MMAB: variants seen among roughly 807,000 people sequenced by gnomAD.
MMAB encodes corrinoid adenosyltransferase MMAB.
MMAB carries 17 observed loss-of-function variants against 30.6 expected under a neutral mutation model. The observed-to-expected ratio is 0.56, with a 90% CI of 0.38 to 0.83. The LOEUF (loss-of-function observed/expected upper bound fraction) is 0.83. Among genes scored for constraint, MMAB ranks in the 40% least tolerant of loss-of-function variants. The pLI is 0.00. For synonymous variants in MMAB, 134 were observed against 138.6 expected, an observed-to-expected ratio of 0.97 and a Z score of 0.23; for missense variants, 311 against 331.6, an observed-to-expected ratio of 0.94 and a Z score of 0.48.
chr12:109,571,009 G>T (rs1216819099), intron 2 of MMAB, among the ~76,000 whole-genome samples: 1 of 151,208 alleles, frequency 6.6e-6, no homozygotes, highest in Non-Finnish European at 1.5e-5. Flanking sequence ...TAGAATAAAA[G>T]TATGTAAATA....
At position 109,554,029 on chromosome 12, in the gene MMAB, T is replaced by C. The variant is rs751147735; in HGVS notation, c.*2999A>G. 1 of 454,108 alleles carries C rather than the reference T, an allele frequency of 2.2e-6. No individual in the cohort carries two copies. Among genetic ancestry groups the C allele is most frequent in the South Asian group, 1.6e-5 (1 of 64,472 alleles). The allele number at this position is 454,108 out of a possible 1,614,324, so 28.1% of individuals were successfully genotyped here. On this transcript the variant is annotated 3_prime_UTR_variant, in exon 9 of 9. Transcript: ENST00000545712. ...TAGGTTGAGAAATGAGACAGCAGGA[T>C]CTATCAGAGCCTGGCATTGTTCGCC...
rs1471034692 is a variant in MMAB, at chr12:109,561,148, G to A, written c.520-44C>T. 6.2e-7 allele frequency: 1 copy of A among 1,602,544 alleles called. No individual in the cohort carries two copies. The highest frequency in any genetic ancestry group is 1.3e-5 in the African/African-American group (1 of 74,892). ...ATTGCCTGAGCAGGGTGGGAAAGGT[G>A]TGCCCACTGCGGACAGGAGCTCCTC... On this transcript the variant is annotated intron_variant, in intron 6 of 8. Coordinates refer to ENST00000545712, the MANE Select transcript of MMAB (RefSeq NM_052845.4). This position sits in a 1 kb window ranked among gnomAD's most constrained non-coding sequence, Gnocchi z 5.3.
intron 8 of MMAB, 28 bp downstream of exon 8, chr12:109,559,068 G>C (rs1884095214): frequency 1.3e-6 from 2 of 1,596,716 alleles, no homozygotes; most frequent in Non-Finnish European, 1.7e-6. Flanking sequence ...GGCTTTCAGA[G>C]AGGAACCCCC....
chr12:109,563,677 TGCTACCGCG>T lies in MMAB; in HGVS notation c.348+1433_348+1441del, dbSNP rs1884298609. 2.0e-5 allele frequency among the ~76,000 whole-genome samples: 3 copies of T among 152,368 alleles called. No individual in the cohort carries two copies. In the East Asian group the frequency reaches 5.8e-4, roughly 29 times the overall value. The stretch of plus-strand genomic sequence containing the variant: ...GCGTACAGCAGACAGAAATGACCGC[TGCTACCGCG>T]GCTCCTCAGGAGGTTGAAAGCCTTC... On this transcript the variant is annotated intron_variant, in intron 4 of 8. Coordinates refer to ENST00000545712, the MANE Select transcript of MMAB (RefSeq NM_052845.4).
At chr12:109,571,194 A>G (rs1884616176) in intron 2 of MMAB, among the ~76,000 whole-genome samples, 1 of 151,756 alleles carries the variant, frequency 6.6e-6, no homozygotes, top group Non-Finnish European at 1.5e-5. Context: ...TTCATTTCAC[A>G]TTACATTTTT....
chr12:109,561,841 T>C lies in MMAB; in HGVS notation c.360A>G (p.Thr120=), dbSNP rs1393235772. The change falls in exon 5 of 9, where the codon ACA becomes ACG. Residue 120 remains threonine, a synonymous_variant. Coordinates refer to ENST00000545712, the MANE Select transcript of MMAB (RefSeq NM_052845.4). The surrounding 1 kb of genome is among the most constrained non-coding windows in gnomAD (Gnocchi z 5.3). ...FAEELQKIQC[T]LQDVGSALAT... is the part of the protein sequence containing the mutation. ...CCAGGGCCGAGCCGACGTCCTGCAA[T>C]GTGCACTGGATCTGGGGGGCGACAG... 3.1e-6 allele frequency: 5 copies of C among 1,606,652 alleles called. No individual in the cohort carries two copies. The highest frequency in any genetic ancestry group is 2.2e-5 in the East Asian group (1 of 44,722).
intron 4 of MMAB, among the ~76,000 whole-genome samples, chr12:109,563,951 G>C (rs1884314312): frequency 6.6e-6 from 1 of 152,244 alleles, no homozygotes; most frequent in African/African-American, 2.4e-5. Context: ...CTCCGTGCTT[G>C]AAGTTCTCTG....
rs1884066564 is a variant in MMAB at position 109,558,551 on chromosome 12, T to G, written c.644+545A>C. Among the ~76,000 whole-genome samples the G allele has an allele frequency of 1.3e-5, 2 of 152,110 alleles. No homozygotes were observed. Among genetic ancestry groups the G allele is most frequent in the African/African-American group, 4.8e-5 (2 of 41,442 alleles). The stretch of plus-strand genomic sequence containing the variant: ...GGGGCAGGAACCCGCAGAGCAGGCT[T>G]TGGGCCAGGTGTGGCTCCAGCCTCA... On this transcript the variant is annotated intron_variant, in intron 8 of 8. Coordinates refer to ENST00000545712, the MANE Select transcript of MMAB (RefSeq NM_052845.4). The surrounding 1 kb of genome is among the most constrained non-coding windows in gnomAD (Gnocchi z 4.3).
Position 109,554,524 on chromosome 12 carries a change from A to G in MMAB, c.*2504T>C, listed in dbSNP as rs1199030541. Reference sequence around the variant, plus strand: ...AAAAATCTACGATAAGCAAGGGATCACGACTTTAAATAAAAACAGGCTGCT... The same window carrying G: ...AAAAATCTACGATAAGCAAGGGATCGCGACTTTAAATAAAAACAGGCTGCT... On this transcript the variant is annotated 3_prime_UTR_variant, in exon 9 of 9. Transcript: ENST00000545712. 2.2e-6 allele frequency: 1 copy of G among 454,142 alleles called. No homozygotes were observed. The highest frequency in any genetic ancestry group is 1.6e-5 in the South Asian group (1 of 64,454). 28.1% of individuals were successfully genotyped at this position (454,142 alleles called of 1,614,324 possible). A position where few individuals can be genotyped will look rare whatever the true frequency, so the allele number is the denominator to read the frequency against.
intron 4 of MMAB, among the ~76,000 whole-genome samples, chr12:109,562,444 C>T (rs985184959): frequency 6.6e-6 from 1 of 152,190 alleles, no homozygotes; most frequent in African/African-American, 2.4e-5. Context: ...TCGTTGGACA[C>T]CCAGCCCTGC....
rs767774574 is a variant in MMAB, at chr12:109,561,070, C to T, written c.554G>A (p.Cys185Tyr). 4 of 1,610,946 alleles carry T rather than the reference C, an allele frequency of 2.5e-6. No individual in the cohort carries two copies. Among genetic ancestry groups the T allele is most frequent in the Non-Finnish European group, 3.4e-6 (4 of 1,179,946 alleles). The change falls in exon 7 of 9, where the codon TGC (cysteine) becomes TAC (tyrosine). Residue 185 changes from cysteine (C) to tyrosine (Y), a missense_variant. Transcript: ENST00000545712. The surrounding 1 kb of genome is among the most constrained non-coding windows in gnomAD (Gnocchi z 5.3). ...CTCGGCCCGGCGGCACACGGCCCGG[C>T]AGAAATGCAGCGCCGAGCTGATCTT... ...GGKISSALHFCRAVCRRAERR... is the reference protein window; with the variant it reads ...GGKISSALHFYRAVCRRAERR...
At position 109,556,440 on chromosome 12, in the gene MMAB, G is replaced by A. The variant is rs1214904926; in HGVS notation, c.*588C>T. On this transcript the variant is annotated 3_prime_UTR_variant, in exon 9 of 9. Coordinates refer to ENST00000545712, the MANE Select transcript of MMAB (RefSeq NM_052845.4). Reference sequence around the variant, plus strand: ...AGCCAGGAGTTTCTGAGCCTCGCCTGTCAATCTGCAGCTATCCTTCCCCCA... The same window carrying A: ...AGCCAGGAGTTTCTGAGCCTCGCCTATCAATCTGCAGCTATCCTTCCCCCA... The A allele has an allele frequency of 2.9e-5, 13 of 453,990 alleles. No individual in the cohort carries two copies. The East Asian group carries it at 9.0e-4, about 32-fold the overall frequency. 28.1% of individuals were successfully genotyped at this position (453,990 alleles called of 1,614,324 possible).
intron 2 of MMAB, 88 bp from the exon 3 acceptor site, chr12:109,568,951 A>G: frequency 9.9e-7 from 1 of 1,010,624 alleles, no homozygotes. Flanking sequence ...AAAGATTTTA[A>G]AGAACTTTCT....
rs934593170 is a variant in MMAB at position 109,561,613 on chromosome 12, G to A, written c.422-96C>T. ...CGCCGCCCTTCCACCTGGGTGTCCC[G>A]CAGACTGCTTCCACTGGCTCAGAAG... On this transcript the variant is annotated intron_variant, in intron 5 of 8. Transcript: ENST00000545712. This position sits in a 1 kb window ranked among gnomAD's most constrained non-coding sequence, Gnocchi z 5.3. 8.7e-6 allele frequency: 11 copies of A among 1,257,250 alleles called. No homozygotes were observed. Among genetic ancestry groups the A allele is most frequent in the East Asian group, 2.5e-5 (1 of 39,632 alleles). 77.9% of individuals were successfully genotyped at this position (1,257,250 alleles called of 1,614,324 possible).
intron 3 of MMAB, 34 bp downstream of exon 3, chr12:109,568,736 A>G: frequency 1.3e-6 from 2 of 1,541,920 alleles, no homozygotes; most frequent in Middle Eastern, 1.7e-4. Context: ...ACTCGACTCA[A>G]ACGCAACCTC....
At chr12:109,557,521 A>T (rs1884023677) in intron 8 of MMAB, among the ~76,000 whole-genome samples, 1 of 152,142 alleles carries the variant, frequency 6.6e-6, no homozygotes, top group African/African-American at 2.4e-5. Flanking sequence ...TCACCAGGGG[A>T]TCTCAGCGAC....
chr12:109,556,972 C>G lies in MMAB; in HGVS notation c.*56G>C, dbSNP rs749979375. On this transcript the variant is annotated 3_prime_UTR_variant, in exon 9 of 9. Coordinates refer to ENST00000545712, the MANE Select transcript of MMAB (RefSeq NM_052845.4). ...ACCAGGACCCCAGAAGGGCAAGCTCCTCTCTCCACGGCCATCGCCATGGAG... is the reference window on the plus strand; with the variant it reads ...ACCAGGACCCCAGAAGGGCAAGCTCGTCTCTCCACGGCCATCGCCATGGAG... 2.5e-5 allele frequency: 31 copies of G among 1,232,818 alleles called. No homozygotes were observed. In the African/African-American group the frequency reaches 3.9e-4, roughly 15 times the overall value. The allele number at this position is 1,232,818 out of a possible 1,614,324, so 76.4% of individuals were successfully genotyped here.
rs1411377792 is a variant in MMAB, at chr12:109,556,492, AG to A, written c.*535del. ...ACTTTGGCGGTGATGGGTGGCTCAG[AG>A]GTGACTAAACTTCCAAATCTTGTCC... On this transcript the variant is annotated 3_prime_UTR_variant, in exon 9 of 9. Coordinates refer to ENST00000545712, the MANE Select transcript of MMAB (RefSeq NM_052845.4). 2 of 453,952 alleles carry A rather than the reference AG, an allele frequency of 4.4e-6. No individual in the cohort carries two copies. Among genetic ancestry groups the A allele is most frequent in the Non-Finnish European group, 8.8e-6 (2 of 226,784 alleles). The allele number at this position is 453,952 out of a possible 1,614,324, so 28.1% of individuals were successfully genotyped here. A position where few individuals can be genotyped will look rare whatever the true frequency, so the allele number is the denominator to read the frequency against.
chr12:109,566,089 C>A (rs1338016820), intron 3 of MMAB, among the ~76,000 whole-genome samples: 1 of 152,192 alleles, frequency 6.6e-6, no homozygotes, highest in Non-Finnish European at 1.5e-5. Flanking sequence ...GAGCTGAATT[C>A]TGGAGTCACT....
Sources: gnomAD v4.1 joint callset for allele counts (sites outside exome capture counted in the v4.1 genomes callset) on GRCh38, gnomAD v4.1.1 for gene constraint, Gnocchi (gnomAD v3.1) non-coding constraint, MANE v1.5 for transcripts, NCBI Gene and HGNC (gene_info 2026-07-23, HGNC 2026-07-21) for gene names.